CADM2: variants seen among roughly 807,000 people sequenced by gnomAD.
CADM2 encodes the protein cell adhesion molecule 2, also known as immunoglobulin superfamily member 4D.
A neutral mutation model predicts 49.8 loss-of-function variants in CADM2; 12 were observed. That is an observed-to-expected ratio of 0.24 (90% confidence interval 0.15 to 0.39). CADM2 has a LOEUF of 0.39. Among genes scored for constraint, CADM2 ranks in the 10% least tolerant of loss-of-function variants. The pLI, the probability that CADM2 is intolerant of heterozygous loss-of-function variation, is 1.00. For missense variants in CADM2, 378 were observed against 492.3 expected (o/e 0.77, Z 2.20); for synonymous variants, 214 against 175.4 (o/e 1.22, Z -1.74).
chr3:85,852,219 T>G lies in CADM2; in HGVS notation c.239-31072T>G, dbSNP rs181665990. On this transcript the variant is annotated intron_variant, in intron 3 of 9. Coordinates refer to ENST00000383699, the MANE Select transcript of CADM2 (RefSeq NM_001167675.2). ...TGCTACTTGGCCCCTCTACACTGCT[T>G]TCTTGGAAATAAAATACTGTGCCTA... is the stretch of plus-strand genomic sequence containing the variant. Among the ~76,000 whole-genome samples the G allele has an allele frequency of 4.6e-5, 7 of 152,224 alleles. No individual in the cohort carries two copies. The East Asian group carries it at 1.3e-3, about 29-fold the overall frequency.
intron 7 of CADM2, among the ~76,000 whole-genome samples, chr3:85,936,182 T>G (rs1721170441): frequency 6.6e-6 from 1 of 151,784 alleles, no homozygotes; most frequent in African/African-American, 2.4e-5. Context: ...TTGAATTCAG[T>G]TCTCCCATGA....
intron 1 of CADM2, among the ~76,000 whole-genome samples, chr3:85,163,761 C>T (rs758666923): frequency 8.6e-5 from 13 of 152,026 alleles, no homozygotes; most frequent in East Asian, 5.8e-4. Flanking sequence ...ATTAAAAAAC[C>T]TTGATTGAGA....
intron 1 of CADM2, among the ~76,000 whole-genome samples, chr3:85,638,236 T>C (rs932960139): frequency 6.6e-6 from 1 of 152,164 alleles, no homozygotes; most frequent in African/African-American, 2.4e-5. Context: ...AATTTAAACA[T>C]CTATATGAAA....
At chr3:85,438,621 A>C (rs1032332425) in intron 1 of CADM2, among the ~76,000 whole-genome samples, 2 of 152,094 alleles carry the variant, frequency 1.3e-5, no homozygotes, top group Non-Finnish European at 2.9e-5. Context: ...CAGTATCTGC[A>C]AAAATAGACA....
intron 1 of CADM2, among the ~76,000 whole-genome samples, chr3:85,195,159 C>A (rs2041311191): frequency 6.6e-6 from 1 of 152,086 alleles, no homozygotes; most frequent in African/African-American, 2.4e-5. Flanking sequence ...CAAGAGGCAA[C>A]ATGATGTATT....
chr3:85,712,317 GT>G (rs2067142778), intron 1 of CADM2, among the ~76,000 whole-genome samples: 1 of 152,158 alleles, frequency 6.6e-6, no homozygotes, highest in Non-Finnish European at 1.5e-5. Context: ...GCTTCCACAT[GT>G]GAAATACAGA....
intron 1 of CADM2, among the ~76,000 whole-genome samples, chr3:85,460,990 T>G (rs1559851701): frequency 6.6e-6 from 1 of 152,170 alleles, no homozygotes; most frequent in African/African-American, 2.4e-5. Context: ...TTGTATTATT[T>G]TTGCCTGTGA....
chr3:85,235,672 C>G lies in CADM2; in HGVS notation c.61+276004C>G, dbSNP rs1486090284. Reference sequence around the variant, plus strand: ...TAAAACTTTAATTGAAATTTCATTACAAGTATATAGTATTTTGAAGTGTCG... The same window carrying G: ...TAAAACTTTAATTGAAATTTCATTAGAAGTATATAGTATTTTGAAGTGTCG... On this transcript the variant is annotated intron_variant, in intron 1 of 9. Coordinates refer to ENST00000383699, the MANE Select transcript of CADM2 (RefSeq NM_001167675.2). 3.9e-5 allele frequency among the ~76,000 whole-genome samples: 6 copies of G among 152,054 alleles called. No individual in the cohort carries two copies. In the East Asian group the frequency reaches 1.2e-3, roughly 29 times the overall value.
intron 3 of CADM2, among the ~76,000 whole-genome samples, chr3:85,809,170 C>T (rs975705813): frequency 9.2e-5 from 14 of 152,138 alleles, no homozygotes; most frequent in Non-Finnish European, 2.1e-4. Context: ...TAACTTTCAG[C>T]ATGTTTACCT....
chr3:86,025,849 T>C (rs1273771305), intron 8 of CADM2, among the ~76,000 whole-genome samples: 2 of 152,164 alleles, frequency 1.3e-5, no homozygotes, highest in East Asian at 3.8e-4. Context: ...TACTTACTTG[T>C]TCCTGAGGAA....
At chr3:85,306,754 A>G (rs1444081152) in intron 1 of CADM2, among the ~76,000 whole-genome samples, 1 of 151,822 alleles carries the variant, frequency 6.6e-6, no homozygotes, top group Non-Finnish European at 1.5e-5. Context: ...CAAAGACATT[A>G]TATCAACTGG....
chr3:85,034,860 G>A (rs1362171598), intron 1 of CADM2, among the ~76,000 whole-genome samples: 2 of 144,132 alleles, frequency 1.4e-5, no homozygotes, highest in Admixed American at 7.5e-5. Context: ...CTGTAGTGCA[G>A]GGCACGATTT....
In CADM2 at chr3:85,205,208, A is replaced by T. The variant is rs534569773; in HGVS notation, c.61+245540A>T. ...AATTTTTCTAAAAAAAAAATTGTAGAGACAGGGTCTCACTATATTTCTCAG... is the reference window on the plus strand; with the variant it reads ...AATTTTTCTAAAAAAAAAATTGTAGTGACAGGGTCTCACTATATTTCTCAG... On this transcript the variant is annotated intron_variant, in intron 1 of 9. Coordinates refer to ENST00000383699, the MANE Select transcript of CADM2 (RefSeq NM_001167675.2). Among the ~76,000 whole-genome samples, 5 of 152,088 alleles carry T rather than the reference A, an allele frequency of 3.3e-5. No homozygotes were observed. The East Asian group carries it at 5.8e-4, about 18-fold the overall frequency.
intron 1 of CADM2, among the ~76,000 whole-genome samples, chr3:85,531,709 C>T (rs1226163063): frequency 2.0e-5 from 3 of 151,658 alleles, no homozygotes; most frequent in South Asian, 4.2e-4. Flanking sequence ...AGTTATTTTC[C>T]CCCAGTCTAA....
chr3:85,279,647 T>C (rs1459067281), intron 1 of CADM2, among the ~76,000 whole-genome samples: 1 of 151,482 alleles, frequency 6.6e-6, no homozygotes, highest in African/African-American at 2.4e-5. Context: ...GACTACCAAT[T>C]TTTTTAGTTA....
intron 2 of CADM2, among the ~76,000 whole-genome samples, chr3:85,731,485 CT>C (rs2067926858): frequency 6.6e-6 from 1 of 152,182 alleles, no homozygotes; most frequent in Admixed American, 6.5e-5. Flanking sequence ...ACAGTGAGCA[CT>C]TAGTAAATTG....
chr3:85,425,011 A>G (rs2036336735), intron 1 of CADM2, among the ~76,000 whole-genome samples: 1 of 152,218 alleles, frequency 6.6e-6, no homozygotes, highest in South Asian at 2.1e-4. Context: ...AAAGTGCTGT[A>G]ATAAAAAACT....
intron 3 of CADM2, among the ~76,000 whole-genome samples, chr3:85,820,186 G>C (rs777292918): frequency 5.3e-5 from 8 of 152,154 alleles, no homozygotes; most frequent in Non-Finnish European, 1.0e-4. Flanking sequence ...GGCAGAGGTA[G>C]TGGGATGAGG....
intron 1 of CADM2, among the ~76,000 whole-genome samples, chr3:85,484,217 A>G (rs2039327941): frequency 1.3e-5 from 2 of 151,952 alleles, no homozygotes. Context: ...CTTAGATATT[A>G]CCGTCCACCT....
Sources: gnomAD v4.1 joint callset for allele counts (sites outside exome capture counted in the v4.1 genomes callset) on GRCh38, gnomAD v4.1.1 for gene constraint, MANE v1.5 for transcripts, NCBI Gene and HGNC (gene_info 2026-07-23, HGNC 2026-07-21) for gene names.